Variants in C2CD3 observed in about 807,000 individuals in gnomAD.
C2CD3 encodes the protein C2 domain containing 3 centriole elongation regulator.
In C2CD3, 148 loss-of-function variants were observed where a neutral mutation model predicts 234.0. The observed-to-expected ratio is 0.63, with a 90% CI of 0.55 to 0.72. The LOEUF (loss-of-function observed/expected upper bound fraction) is 0.72. Among genes scored for constraint, C2CD3 ranks in the 30% least tolerant of loss-of-function variants. The probability of loss-of-function intolerance (pLI) is 0.00; values close to 1 mark genes in which losing one functional copy is unlikely to be tolerated. For missense variants in C2CD3, 2,577 were observed against 2,811.5 expected (o/e 0.92, Z 1.89); for synonymous variants, 1,000 against 1,035.4 (o/e 0.97, Z 0.66).
At chr11:74,107,539 T>C (rs888391322) in intron 12 of C2CD3, among the ~76,000 whole-genome samples, 3 of 152,192 alleles carry the variant, frequency 2.0e-5, no homozygotes, top group Non-Finnish European at 4.4e-5. Context: ...TAATATTAAC[T>C]GTTATAATGT....
chr11:74,071,647 A>G (rs1018835878), intron 24 of C2CD3, among the ~76,000 whole-genome samples: 1 of 152,216 alleles, frequency 6.6e-6, no homozygotes, highest in Non-Finnish European at 1.5e-5. Context: ...CCCTGATCTG[A>G]AATGCTTGGG....
intron 28 of C2CD3, among the ~76,000 whole-genome samples, chr11:74,047,826 G>C (rs1207028207): frequency 2.6e-5 from 4 of 152,208 alleles, no homozygotes; most frequent in African/African-American, 7.2e-5. Flanking sequence ...CATGTTCAAG[G>C]CTGGCTTGGT....
intron 3 of C2CD3, among the ~76,000 whole-genome samples, chr11:74,150,517 A>AAAAAAAAAAAAAAAAAAAAC (rs1855553162): frequency 1.4e-5 from 1 of 69,832 alleles, no homozygotes; most frequent in African/African-American, 5.8e-5. Flanking sequence ...AAAAAAAAAC[A>AAAAAAAAAAAAAAAAAAAAC]AAAAAAAAAC....
chr11:74,082,855 G>A (rs1447265988), intron 22 of C2CD3, among the ~76,000 whole-genome samples: 3 of 152,158 alleles, frequency 2.0e-5, no homozygotes, highest in Non-Finnish European at 2.9e-5. Context: ...TTGTGAAAAT[G>A]GCCATACTGC....
chr11:74,104,194 C>T (rs1165566263), intron 13 of C2CD3, among the ~76,000 whole-genome samples: 1 of 152,104 alleles, frequency 6.6e-6, no homozygotes, highest in Non-Finnish European at 1.5e-5. Flanking sequence ...TTAAAAATAT[C>T]AGCATATTGA....
At chr11:74,066,423 A>T (rs1173660505) in intron 24 of C2CD3, among the ~76,000 whole-genome samples, 3 of 148,132 alleles carry the variant, frequency 2.0e-5, no homozygotes, top group Non-Finnish European at 4.5e-5. Flanking sequence ...CTTAAAGTAT[A>T]AAAAAAAAGT....
At chr11:74,052,650 T>A (rs1357947985) in intron 26 of C2CD3, among the ~76,000 whole-genome samples, 1 of 152,212 alleles carries the variant, frequency 6.6e-6, no homozygotes, top group Non-Finnish European at 1.5e-5. Context: ...TTGTGTTGAT[T>A]CAGAGAAAAG....
chr11:74,168,853 G>T lies in C2CD3; in HGVS notation c.56-240C>A, dbSNP rs372461508. Among the ~76,000 whole-genome samples the T allele has an allele frequency of 2.6e-4, 40 of 152,196 alleles. No individual in the cohort carries two copies. In the East Asian group the frequency reaches 7.7e-3, roughly 29 times the overall value. ...CTCTGATAACTAATTAGTATTTAAGGTTTGATTTGATTTACTCTAAGTTAA... is the reference window on the plus strand; with the variant it reads ...CTCTGATAACTAATTAGTATTTAAGTTTTGATTTGATTTACTCTAAGTTAA... On this transcript the variant is annotated intron_variant, in intron 1 of 32. Coordinates refer to ENST00000334126, the MANE Select transcript of C2CD3 (RefSeq NM_001286577.2).
Position 74,113,790 on chromosome 11 carries a change from A to G in C2CD3, c.1833T>C (p.Ile611=), listed in dbSNP as rs139923468. 6.2e-7 allele frequency: 1 copy of G among 1,601,544 alleles called. No homozygotes were observed. Among genetic ancestry groups the G allele is most frequent in the Non-Finnish European group, 8.6e-7 (1 of 1,168,608 alleles). ...CAGTGTGTCTCTTACTTCCATCTGT[A>G]ATTTTACTGGAGGCGAGTCGAACAA... ...TEVVRLASSK[I]TDGKVKFQQR... Residue 611 remains isoleucine, a synonymous_variant, in exon 11 of 33, where the codon ATT becomes ATC. Transcript: ENST00000334126.
chr11:74,048,059 G>A, intron 28 of C2CD3, 146 bp downstream of exon 28: 1 of 843,278 alleles, frequency 1.2e-6, no homozygotes, highest in East Asian at 2.7e-5. Flanking sequence ...ACGATCTTGG[G>A]GTTTTTGGAG....
At position 74,085,642 on chromosome 11, in the gene C2CD3, C is replaced by G. The variant is rs1398479684; in HGVS notation, c.3886G>C (p.Val1296Leu). The part of the protein sequence containing the change: ...LLEFAEVIFA[V>L]YHENTKSASD... Reference sequence around the variant, plus strand: ...CCTGACTTGGTATTTTCATGATAGACAGCAAAAATAACTTCTGCAAACTCC... The same window carrying G: ...CCTGACTTGGTATTTTCATGATAGAGAGCAAAAATAACTTCTGCAAACTCC... The change falls in exon 21 of 33, where the codon GTC becomes CTC. Residue 1296 changes from valine to leucine, a missense_variant. By Grantham distance (32) the Val-to-Leu change is conservative. Coordinates refer to ENST00000334126, the MANE Select transcript of C2CD3 (RefSeq NM_001286577.2). 6.2e-7 allele frequency: 1 copy of G among 1,613,968 alleles called. No homozygotes were observed. Among genetic ancestry groups the G allele is most frequent in the African/African-American group, 1.3e-5 (1 of 74,906 alleles).
chr11:74,112,676 G>A (rs1438959487), intron 11 of C2CD3, among the ~76,000 whole-genome samples: 1 of 152,126 alleles, frequency 6.6e-6, no homozygotes, highest in African/African-American at 2.4e-5. Flanking sequence ...ATCTATAAAT[G>A]GCCAATAAGC....
intron 2 of C2CD3, among the ~76,000 whole-genome samples, chr11:74,162,135 T>C (rs1403829218): frequency 1.3e-5 from 2 of 152,164 alleles, no homozygotes; most frequent in Non-Finnish European, 2.9e-5. Flanking sequence ...AACTTTATTT[T>C]ACAAGCTGTA....
At chr11:74,132,821 G>A (rs779100767) in intron 7 of C2CD3, 23 bp downstream of exon 7, 5 of 1,607,042 alleles carry the variant, frequency 3.1e-6, no homozygotes, top group Non-Finnish European at 4.2e-6. Flanking sequence ...TTAAAAGGAA[G>A]AAAGCCAGTT....
At chr11:74,145,319 G>A (rs987803028) in intron 3 of C2CD3, among the ~76,000 whole-genome samples, 2 of 152,160 alleles carry the variant, frequency 1.3e-5, no homozygotes, top group African/African-American at 4.8e-5. Context: ...AATGATTAGT[G>A]ATATTGGGCA....
Position 74,170,859 on chromosome 11 carries a change from A to G in C2CD3, c.-67T>C. ...AGCACCTAAGCAGTATCCTCCCGCC[A>G]TCCCTCCCCACGGCGCCTGCGTTCC... On this transcript the variant is annotated 5_prime_UTR_variant, in exon 1 of 33. An upstream start codon of the reference 5' UTR is lost. Transcript: ENST00000334126. 1 of 1,606,032 alleles carries G rather than the reference A, an allele frequency of 6.2e-7. No individual in the cohort carries two copies. The highest frequency in any genetic ancestry group is 1.1e-5 in the South Asian group (1 of 90,604).
intron 29 of C2CD3, among the ~76,000 whole-genome samples, chr11:74,038,524 T>C (rs1386192730): frequency 6.6e-6 from 1 of 152,212 alleles, no homozygotes. Flanking sequence ...GGGAGCAGTA[T>C]GTAGCTACTC....
intron 8 of C2CD3, among the ~76,000 whole-genome samples, chr11:74,120,161 G>A (rs910281758): frequency 6.6e-6 from 1 of 151,034 alleles, no homozygotes; most frequent in Non-Finnish European, 1.5e-5. Flanking sequence ...AAGTTCTAGG[G>A]TACATGTGCA....
chr11:74,069,413 T>A (rs940314509), intron 24 of C2CD3, among the ~76,000 whole-genome samples: 5 of 152,220 alleles, frequency 3.3e-5, no homozygotes, highest in African/African-American at 1.2e-4. Context: ...AGACCTGAGG[T>A]GAACCAGTTA....
Sources: allele counts gnomAD v4.1 joint callset (sites outside exome capture counted in the v4.1 genomes callset), GRCh38; gene constraint gnomAD v4.1.1; transcripts MANE v1.5; gene names NCBI Gene and HGNC (gene_info 2026-07-23, HGNC 2026-07-21).